GRID1: variants seen among roughly 807,000 people sequenced by gnomAD.
GRID1 encodes the protein glutamate ionotropic receptor delta type subunit 1, also known as glutamate receptor ionotropic, delta-1.
GRID1 carries 28 observed loss-of-function variants against 98.0 expected under a neutral mutation model. The observed-to-expected ratio is 0.29, with a 90% CI of 0.21 to 0.39. GRID1 has a LOEUF of 0.39. Among genes scored for constraint, GRID1 ranks in the 10% least tolerant of loss-of-function variants. The pLI is 1.00. For missense variants in GRID1, 1,111 were observed against 1,340.5 expected, an observed-to-expected ratio of 0.83 and a Z score of 2.67; for synonymous variants, 553 against 538.5, an observed-to-expected ratio of 1.03 and a Z score of -0.37.
intron 2 of GRID1, among the ~76,000 whole-genome samples, chr10:86,255,456 C>G (rs1846902780): frequency 6.6e-6 from 1 of 152,200 alleles, no homozygotes; most frequent in Non-Finnish European, 1.5e-5. Context: ...CACTCATATA[C>G]TAGCCCCTCA....
intron 2 of GRID1, among the ~76,000 whole-genome samples, chr10:86,298,102 T>A (rs1056144487): frequency 2.0e-5 from 3 of 152,348 alleles, no homozygotes; most frequent in Admixed American, 1.3e-4. Flanking sequence ...CAAAAAGATG[T>A]TCAACATGAT....
chr10:86,178,056 G>C (rs1845602464), intron 3 of GRID1, among the ~76,000 whole-genome samples: 1 of 152,028 alleles, frequency 6.6e-6, no homozygotes, highest in African/African-American at 2.4e-5. Context: ...GGAGGACTCT[G>C]GCTTCCTGTA....
chr10:85,867,495 C>T (rs1475854540), intron 6 of GRID1, among the ~76,000 whole-genome samples: 1 of 152,166 alleles, frequency 6.6e-6, no homozygotes, highest in Non-Finnish European at 1.5e-5. Flanking sequence ...GCACACACTC[C>T]CTGAGCCCCA....
At chr10:85,616,861 T>C (rs1244678557) in intron 14 of GRID1, among the ~76,000 whole-genome samples, 2 of 152,190 alleles carry the variant, frequency 1.3e-5, no homozygotes, top group African/African-American at 4.8e-5. Context: ...TCAATAGCTG[T>C]GGAGCCTGCT....
intron 4 of GRID1, among the ~76,000 whole-genome samples, chr10:85,939,126 C>A (rs569771658): frequency 6.6e-6 from 1 of 152,284 alleles, no homozygotes; most frequent in South Asian, 2.1e-4. Context: ...GTAGGACAGC[C>A]TCTCTGCCAG....
chr10:86,181,625 A>C (rs1845656829), intron 3 of GRID1, among the ~76,000 whole-genome samples: 1 of 152,194 alleles, frequency 6.6e-6, no homozygotes, highest in Non-Finnish European at 1.5e-5. Context: ...CTTTAGGCAT[A>C]TGGTGAAAAG....
intron 13 of GRID1, among the ~76,000 whole-genome samples, chr10:85,622,942 C>T (rs758139576): frequency 8.5e-5 from 13 of 152,200 alleles, no homozygotes; most frequent in Non-Finnish European, 1.2e-4. Flanking sequence ...CAATATCCAG[C>T]ACAAGTACAT....
intron 4 of GRID1, among the ~76,000 whole-genome samples, chr10:85,917,938 C>CGG (rs1224768990): frequency 6.6e-6 from 1 of 152,238 alleles, no homozygotes; most frequent in Non-Finnish European, 1.5e-5. Context: ...GCCACCCCAT[C>CGG]CAGAGCCTCT....
At position 86,099,681 on chromosome 10, in the gene GRID1, T is replaced by C. The variant is rs144390444; in HGVS notation, c.726+39138A>G. On this transcript the variant is annotated intron_variant, in intron 4 of 15. Coordinates refer to ENST00000327946, the MANE Select transcript of GRID1 (RefSeq NM_017551.3). ...AAGCCCTCCCTCTGTGACTCTCCCC[T>C]GGCAGAAGGGGCCTATGCTTTTCCT... 1.6e-3 allele frequency among the ~76,000 whole-genome samples: 249 copies of C among 152,320 alleles called. 2 individuals carry two copies. In the Middle Eastern group the frequency reaches 0.017, roughly 10 times the overall value.
intron 8 of GRID1, among the ~76,000 whole-genome samples, chr10:85,765,859 A>T (rs1842192613): frequency 6.6e-6 from 1 of 152,220 alleles, no homozygotes; most frequent in African/African-American, 2.4e-5. Context: ...TGTAGGATCC[A>T]CTGTCAGAAA....
intron 2 of GRID1, among the ~76,000 whole-genome samples, chr10:86,273,363 C>CAA (rs1847215187): frequency 3.2e-5 from 4 of 125,630 alleles, no homozygotes; most frequent in Non-Finnish European, 5.4e-5. Flanking sequence ...AATAGTGCTG[C>CAA]AATAAACATA....
chr10:85,788,294 C>G, intron 8 of GRID1, among the ~76,000 whole-genome samples: 1 of 152,080 alleles, frequency 6.6e-6, no homozygotes, highest in East Asian at 1.9e-4. Context: ...TGAGCCTGGC[C>G]AGAAGAGGCT....
At chr10:85,864,692 C>T (rs1843198216) in intron 6 of GRID1, among the ~76,000 whole-genome samples, 1 of 152,082 alleles carries the variant, frequency 6.6e-6, no homozygotes, top group Non-Finnish European at 1.5e-5. Flanking sequence ...ACAGAAAACC[C>T]TAAAAAATAG....
chr10:86,159,755 C>T (rs1204665382), intron 3 of GRID1, among the ~76,000 whole-genome samples: 1 of 152,206 alleles, frequency 6.6e-6, no homozygotes, highest in African/African-American at 2.4e-5. Context: ...GGACTCCACC[C>T]CTTACCAACC....
intron 4 of GRID1, among the ~76,000 whole-genome samples, chr10:86,109,133 T>C: frequency 6.6e-6 from 1 of 152,236 alleles, no homozygotes. Context: ...ATTGAGTATA[T>C]TTCACAATAT....
chr10:85,800,826 T>C lies in GRID1; in HGVS notation c.1233+53670A>G, dbSNP rs902744469. Among the ~76,000 whole-genome samples, 8 of 152,028 alleles carry C rather than the reference T, an allele frequency of 5.3e-5. No individual in the cohort carries two copies. The East Asian group carries it at 1.3e-3, about 26-fold the overall frequency. ...CTATGAGGTGGATATAATTCCCACT[T>C]TACAGAGATAGAAACGGAAGCACAG... is the stretch of plus-strand genomic sequence containing the variant. On this transcript the variant is annotated intron_variant, in intron 8 of 15. Coordinates refer to ENST00000327946, the MANE Select transcript of GRID1 (RefSeq NM_017551.3).
At chr10:85,822,713 A>G (rs1842784325) in intron 8 of GRID1, among the ~76,000 whole-genome samples, 1 of 152,228 alleles carries the variant, frequency 6.6e-6, no homozygotes, top group South Asian at 2.1e-4. Context: ...ATTATAAATC[A>G]TGCTGCTATA....
chr10:86,281,687 A>C (rs948368397), intron 2 of GRID1, among the ~76,000 whole-genome samples: 2 of 152,066 alleles, frequency 1.3e-5, no homozygotes, highest in African/African-American at 4.8e-5. Context: ...CTAGGACAGT[A>C]GTCCTAGGCC....
chr10:85,678,219 G>A (rs950145516), intron 12 of GRID1, among the ~76,000 whole-genome samples: 20 of 152,100 alleles, frequency 1.3e-4, no homozygotes, highest in Non-Finnish European at 2.9e-4. Flanking sequence ...GAGGAAAGGG[G>A]AATGATCACC....
Sources: gnomAD v4.1 joint callset for allele counts (sites outside exome capture counted in the v4.1 genomes callset) on GRCh38, gnomAD v4.1.1 for gene constraint, MANE v1.5 for transcripts, NCBI Gene and HGNC (gene_info 2026-07-23, HGNC 2026-07-21) for gene names.